The following NIPAL3 variants were observed in gnomAD, a reference collection of about 807,000 sequenced individuals.
NIPAL3 encodes NIPA like domain containing 3.
Under a neutral mutation model 47.2 loss-of-function variants are expected in NIPAL3, and 41 were observed. The observed-to-expected ratio is 0.87, with a 90% CI of 0.68 to 1.13. The LOEUF (loss-of-function observed/expected upper bound fraction) is 1.13, where lower values mean the gene tolerates loss of function less well. NIPAL3 is among the 50% of genes most tolerant of loss of function. The pLI, the probability that NIPAL3 is intolerant of heterozygous loss-of-function variation, is 0.00. For synonymous variants in NIPAL3, 194 were observed against 209.6 expected (o/e 0.93, Z 0.64); for missense variants, 449 against 530.1 (o/e 0.85, Z 1.50).
chr1:24,446,285 T>G lies in NIPAL3; in HGVS notation c.394+1041T>G, dbSNP rs565470460. 8.5e-5 allele frequency among the ~76,000 whole-genome samples: 13 copies of G among 152,242 alleles called. No individual in the cohort carries two copies. In the East Asian group the frequency reaches 2.5e-3, roughly 29 times the overall value. ...TTTTCCCCCCAACTTTTAATTTAAT[T>G]TCAGGGGTACATGTGCAGGATGTGC... On this transcript the variant is annotated intron_variant, in intron 5 of 11. Coordinates refer to ENST00000374399, the MANE Select transcript of NIPAL3 (RefSeq NM_020448.5).
At chr1:24,465,068 G>C (rs1646638344) in intron 11 of NIPAL3, 1 of 152,162 alleles carries the variant, frequency 6.6e-6, no homozygotes, top group Admixed American at 6.5e-5. Context: ...CCTTCTTGCT[G>C]TAGCCAGCCT....
chr1:24,468,731 A>G (rs1392286184), intron 11 of NIPAL3, among the ~76,000 whole-genome samples: 1 of 152,196 alleles, frequency 6.6e-6, no homozygotes, highest in Non-Finnish European at 1.5e-5. Flanking sequence ...CTTTAGGCCA[A>G]CTGAGGGTTC....
rs1429804430 is a variant in NIPAL3, at chr1:24,451,769, G to C, written c.541-1639G>C. Among the ~76,000 whole-genome samples, 1 of 152,108 alleles carries C rather than the reference G, an allele frequency of 6.6e-6. No homozygotes were observed. Among genetic ancestry groups the C allele is most frequent in the Non-Finnish European group, 1.5e-5 (1 of 68,014 alleles). ...AAGAATTGGGACCCCTCAAATGCAG[G>C]CACAGTGGTTGGGAATGTTGATGAT... On this transcript the variant is annotated intron_variant, in intron 6 of 11. Transcript: ENST00000374399. This position sits in a 1 kb window ranked among gnomAD's most constrained non-coding sequence, Gnocchi z 4.5.
chr1:24,469,172 C>G lies in NIPAL3; in HGVS notation c.1208C>G (p.Thr403Ser), dbSNP rs903479373. 8.7e-6 allele frequency: 14 copies of G among 1,613,464 alleles called. No homozygotes were observed. The highest frequency in any genetic ancestry group is 1.1e-5 in the Non-Finnish European group (13 of 1,179,898). Residue 403 changes from threonine (T) to serine (S), a missense_variant, in exon 12 of 12, where the codon ACC (threonine) becomes AGC (serine). Physicochemically the swap from Thr to Ser is moderately conservative, Grantham distance 58. Transcript: ENST00000374399. ...GTCCCCTACCGAGTCCTAGAGCACA[C>G]CAAGAAGGAATGAGACTCGCCTCCC... ...SGVPYRVLEH[T>S]KKE
At chr1:24,421,650 C>T (rs916739989) in intron 2 of NIPAL3, among the ~76,000 whole-genome samples, 4 of 152,210 alleles carry the variant, frequency 2.6e-5, no homozygotes, top group African/African-American at 9.6e-5. Context: ...CACACTAGCA[C>T]TACACAGTAG....
rs763341191 is a variant in NIPAL3, at chr1:24,458,991, T to C, written c.862+15T>C. On this transcript the variant is annotated intron_variant, in intron 9 of 11. Transcript: ENST00000374399. ...TATCACAGCAGGTAAGGGTGACCCA[T>C]TGCTAGATTTCTGTCTTCTACTTTA... is the stretch of plus-strand genomic sequence containing the variant. 6.2e-7 allele frequency: 1 copy of C among 1,610,144 alleles called. No individual in the cohort carries two copies. The highest frequency in any genetic ancestry group is 1.1e-5 in the South Asian group (1 of 90,994).
intron 8 of NIPAL3, among the ~76,000 whole-genome samples, chr1:24,456,593 A>C (rs577457778): frequency 1.1e-4 from 16 of 152,324 alleles, no homozygotes; most frequent in Admixed American, 8.5e-4. Context: ...TTTACTAAAA[A>C]TACAAAAAAA....
At chr1:24,466,358 T>C (rs1420846717) in intron 11 of NIPAL3, 1 of 248,340 alleles carries the variant, frequency 4.0e-6, no homozygotes, top group Non-Finnish European at 7.7e-6. Flanking sequence ...TCTGCTAGCC[T>C]GACTAAACAT....
intron 2 of NIPAL3, among the ~76,000 whole-genome samples, chr1:24,432,061 C>G (rs1644904349): frequency 6.6e-6 from 1 of 152,146 alleles, no homozygotes; most frequent in South Asian, 2.1e-4. Context: ...AAACTAGGCA[C>G]TGAAGGAACA....
chr1:24,444,551 A>G (rs11249114), intron 4 of NIPAL3, among the ~76,000 whole-genome samples: 132 of 152,338 alleles, frequency 8.7e-4, no homozygotes, highest in African/African-American at 3.0e-3. Context: ...TTCATAGACT[A>G]GAGAACTGAG....
At chr1:24,424,452 G>A (rs1644482406) in intron 2 of NIPAL3, among the ~76,000 whole-genome samples, 1 of 152,200 alleles carries the variant, frequency 6.6e-6, no homozygotes, top group African/African-American at 2.4e-5. Flanking sequence ...GTTTCCAAGA[G>A]GAACAGATGA....
chr1:24,445,349 C>T (rs1645608974), intron 5 of NIPAL3, 105 bp downstream of exon 5: 1 of 781,768 alleles, frequency 1.3e-6, no homozygotes, highest in African/African-American at 1.7e-5. Flanking sequence ...TCCTGCTGTC[C>T]TCTGTGGTTC....
At chr1:24,452,954 G>C (rs1646015531) in intron 6 of NIPAL3, among the ~76,000 whole-genome samples, 1 of 148,034 alleles carries the variant, frequency 6.8e-6, no homozygotes, top group Non-Finnish European at 1.5e-5. Flanking sequence ...CACCCGCCTT[G>C]GCCTCCCAAA....
chr1:24,442,038 A>G lies in NIPAL3; in HGVS notation c.163-17A>G, dbSNP rs780045953. ...CCCAAACATCTGAGCAAATTGCATT[A>G]TTTCTCGGGTTTCTAGAAGTACTGC... On this transcript the variant is annotated splice_polypyrimidine_tract_variant and intron_variant, in intron 3 of 11. Transcript: ENST00000374399. 6.2e-7 allele frequency: 1 copy of G among 1,611,098 alleles called. No homozygotes were observed. The highest frequency in any genetic ancestry group is 1.1e-5 in the South Asian group (1 of 90,898).
At chr1:24,461,409 G>T (rs746326475) in intron 10 of NIPAL3, among the ~76,000 whole-genome samples, 2 of 151,424 alleles carry the variant, frequency 1.3e-5, no homozygotes, top group Admixed American at 6.6e-5. Flanking sequence ...GGGCATGATG[G>T]TGCATGCCTG....
chr1:24,439,713 A>C (rs372891897), intron 2 of NIPAL3, among the ~76,000 whole-genome samples: 3 of 152,264 alleles, frequency 2.0e-5, no homozygotes, highest in East Asian at 1.9e-4. Context: ...TTAACTTTTT[A>C]TAAATTGAGT....
chr1:24,463,897 T>C (rs1312813676), intron 10 of NIPAL3, 129 bp from the exon 11 acceptor site: 2 of 648,486 alleles, frequency 3.1e-6, no homozygotes, highest in Non-Finnish European at 5.2e-6. Flanking sequence ...TCAGGGCTCC[T>C]TGGGCGGTGA....
chr1:24,430,285 C>T (rs1644819659), intron 2 of NIPAL3, among the ~76,000 whole-genome samples: 1 of 122,002 alleles, frequency 8.2e-6, no homozygotes, highest in Non-Finnish European at 1.7e-5. Context: ...TCTTGTTGCC[C>T]AGGCTGGAGT....
At position 24,469,237 on chromosome 1, in the gene NIPAL3, A is replaced by T; in HGVS notation, c.*52A>T. ...TCCCCTCCAGGCTGACAGTGGTTCA[A>T]CCCTGAATCCTAAAACTTGCCTTTC... On this transcript the variant is annotated 3_prime_UTR_variant, in exon 12 of 12. Coordinates refer to ENST00000374399, the MANE Select transcript of NIPAL3 (RefSeq NM_020448.5). 6 of 1,481,702 alleles carry T rather than the reference A, an allele frequency of 4.0e-6. No individual in the cohort carries two copies. The highest frequency in any genetic ancestry group is 4.6e-6 in the Non-Finnish European group (5 of 1,088,182). 91.8% of individuals were successfully genotyped at this position (1,481,702 alleles called of 1,614,324 possible).
Sources: allele counts gnomAD v4.1 joint callset (sites outside exome capture counted in the v4.1 genomes callset), GRCh38; gene constraint gnomAD v4.1.1; non-coding constraint Gnocchi (gnomAD v3.1); transcripts MANE v1.5; gene names NCBI Gene and HGNC (gene_info 2026-07-23, HGNC 2026-07-21).